Variants in CLNS1A observed in about 807,000 individuals in gnomAD.
The protein encoded by CLNS1A is chloride nucleotide-sensitive channel 1A, also known as methylosome subunit pICln.
A neutral mutation model predicts 29.4 loss-of-function variants in CLNS1A; 16 were observed. The ratio of observed to expected loss-of-function variants is 0.54; its 90% CI spans 0.37 to 0.83. The LOEUF (loss-of-function observed/expected upper bound fraction) is 0.83. Ranked by LOEUF, CLNS1A falls within the 40% of genes least tolerant of loss-of-function variation. The probability of loss-of-function intolerance (pLI) is 0.00; values close to 1 mark genes in which losing one functional copy is unlikely to be tolerated. For missense variants in CLNS1A, 235 were observed against 287.4 expected, an observed-to-expected ratio of 0.82 and a Z score of 1.32; for synonymous variants, 96 against 104.8, an observed-to-expected ratio of 0.92 and a Z score of 0.51.
chr11:77,617,416 C>A (rs1958915542), intron 6 of CLNS1A, among the ~76,000 whole-genome samples: 1 of 149,406 alleles, frequency 6.7e-6, no homozygotes, highest in Admixed American at 6.7e-5. Context: ...GTGGTGGGCA[C>A]CTGTAATCCC....
chr11:77,617,804 G>A (rs971513403), intron 6 of CLNS1A, among the ~76,000 whole-genome samples: 1 of 151,824 alleles, frequency 6.6e-6, no homozygotes, highest in Non-Finnish European at 1.5e-5. Context: ...TGTAGTTCCA[G>A]CTACTTGGGA....
chr11:77,637,758 C>G lies in CLNS1A; in HGVS notation c.-44G>C, dbSNP rs375310773. 1.0e-4 allele frequency: 159 copies of G among 1,534,726 alleles called. No individual in the cohort carries two copies. The African/African-American group carries it at 1.9e-3, about 19-fold the overall frequency. On this transcript the variant is annotated 5_prime_UTR_variant, in exon 1 of 7. Transcript: ENST00000525428. Reference sequence around the variant, plus strand: ...CACAGGCCCTGAGGGAGTTGGAGCACAGCAATGCGTGCACCACACCGCCCG... The same window carrying G: ...CACAGGCCCTGAGGGAGTTGGAGCAGAGCAATGCGTGCACCACACCGCCCG...
At chr11:77,619,081 C>T (rs557266283) in intron 6 of CLNS1A, among the ~76,000 whole-genome samples, 31 of 152,260 alleles carry the variant, frequency 2.0e-4, no homozygotes, top group South Asian at 1.0e-3. Context: ...CTGGTTCTAG[C>T]TCTGTATGAT....
chr11:77,624,505 A>G (rs1958995478), intron 4 of CLNS1A, among the ~76,000 whole-genome samples: 1 of 152,086 alleles, frequency 6.6e-6, no homozygotes, highest in African/African-American at 2.4e-5. Context: ...AAAGTGTTCT[A>G]CCGTGTCATT....
chr11:77,637,463 G>A, intron 1 of CLNS1A, 127 bp downstream of exon 1: 1 of 1,248,564 alleles, frequency 8.0e-7, no homozygotes, highest in African/African-American at 1.5e-5. Context: ...TCCCTGAGGC[G>A]TCGGGCACGA....
rs377682213 is a variant in CLNS1A, at chr11:77,632,865, A to G, written c.126-2966T>C. 6.0e-4 allele frequency among the ~76,000 whole-genome samples: 91 copies of G among 152,166 alleles called. 1 individual carries two copies. The South Asian group carries it at 0.018, about 30-fold the overall frequency. On this transcript the variant is annotated intron_variant, in intron 1 of 6. Coordinates refer to ENST00000525428, the MANE Select transcript of CLNS1A (RefSeq NM_001293.3). ...CATTTTGGGAGGCCGAGGTGGATGG[A>G]TCACCTGAGGTCAGGAGTTCCAGAC...
At chr11:77,617,619 A>G (rs990460949) in intron 6 of CLNS1A, among the ~76,000 whole-genome samples, 2 of 151,936 alleles carry the variant, frequency 1.3e-5, no homozygotes, top group African/African-American at 4.8e-5. Context: ...AACATTATAC[A>G]TAATGTTTAT....
At chr11:77,621,881 A>G (rs1230010986) in intron 5 of CLNS1A, 4 of 440,868 alleles carry the variant, frequency 9.1e-6, no homozygotes, top group African/African-American at 2.0e-5. Context: ...CTGAGCAAGA[A>G]GAAATTCTGC....
chr11:77,637,552 G>A (rs1353208242), intron 1 of CLNS1A, 38 bp downstream of exon 1: 3 of 1,574,208 alleles, frequency 1.9e-6, no homozygotes, highest in Non-Finnish European at 2.6e-6. Flanking sequence ...GAGGAGGGCG[G>A]CGCGCAGGAG....
intron 1 of CLNS1A, among the ~76,000 whole-genome samples, chr11:77,632,621 CT>C (rs36112856): frequency 0.21 from 31,838 of 149,490 alleles, 4,111 homozygotes; most frequent in East Asian, 0.49. Context: ...TCGTTAAATT[CT>C]TTTTTTTTTA....
intron 6 of CLNS1A, among the ~76,000 whole-genome samples, chr11:77,617,731 A>C (rs369620678): frequency 3.9e-5 from 6 of 151,928 alleles, no homozygotes; most frequent in African/African-American, 1.5e-4. Flanking sequence ...CATCCTGGCC[A>C]ACATGGTGAA....
chr11:77,625,884 C>A, intron 2 of CLNS1A, 66 bp from the exon 3 acceptor site: 1 of 1,236,386 alleles, frequency 8.1e-7, no homozygotes, highest in Admixed American at 2.6e-5. Context: ...TATTGAAAAT[C>A]TGAATATTGC....
chr11:77,632,151 T>C (rs974119612), intron 1 of CLNS1A, among the ~76,000 whole-genome samples: 1 of 152,248 alleles, frequency 6.6e-6, no homozygotes, highest in African/African-American at 2.4e-5. Context: ...TGAGGTTATG[T>C]GCTGTATGCA....
intron 2 of CLNS1A, among the ~76,000 whole-genome samples, chr11:77,626,243 C>T (rs1435866008): frequency 6.6e-6 from 1 of 152,176 alleles, no homozygotes; most frequent in African/African-American, 2.4e-5. Context: ...CTTGCCACCA[C>T]ACCCTGCTAA....
intron 1 of CLNS1A, among the ~76,000 whole-genome samples, chr11:77,630,778 TGAA>T (rs1007224338): frequency 1.3e-5 from 2 of 152,048 alleles, no homozygotes; most frequent in African/African-American, 4.8e-5. Context: ...TAAAAAATCC[TGAA>T]GAAGTCAAAA....
chr11:77,624,761 G>A (rs1425682201), intron 4 of CLNS1A, among the ~76,000 whole-genome samples: 1 of 152,150 alleles, frequency 6.6e-6, no homozygotes, highest in Non-Finnish European at 1.5e-5. Context: ...AGAGGTTGCA[G>A]TGAGCCGAGA....
chr11:77,629,139 G>C (rs1054077137), intron 2 of CLNS1A, among the ~76,000 whole-genome samples: 5 of 152,042 alleles, frequency 3.3e-5, no homozygotes, highest in Non-Finnish European at 7.4e-5. Flanking sequence ...ACTGATCCAA[G>C]CCCCTAAGGG....
chr11:77,636,310 TGCCTGCCTCA>T (rs1959125306), intron 1 of CLNS1A, among the ~76,000 whole-genome samples: 1 of 151,980 alleles, frequency 6.6e-6, no homozygotes, highest in Non-Finnish European at 1.5e-5. Flanking sequence ...TCAAGCGATC[TGCCTGCCTCA>T]GCCTCCCAAA....
At chr11:77,630,577 A>G (rs899920027) in intron 1 of CLNS1A, among the ~76,000 whole-genome samples, 2 of 152,214 alleles carry the variant, frequency 1.3e-5, no homozygotes, top group Admixed American at 6.5e-5. Context: ...CATTTATTCA[A>G]CGTCTTTAAG....
Sources: gnomAD v4.1 joint callset for allele counts (sites outside exome capture counted in the v4.1 genomes callset) on GRCh38, gnomAD v4.1.1 for gene constraint, MANE v1.5 for transcripts, NCBI Gene and HGNC (gene_info 2026-07-23, HGNC 2026-07-21) for gene names.